PRKAA2: variants seen among roughly 807,000 people sequenced by gnomAD.
PRKAA2 encodes 5'-AMP-activated protein kinase catalytic subunit alpha-2.
A neutral mutation model predicts 56.3 loss-of-function variants in PRKAA2; 40 were observed. The observed-to-expected ratio is 0.71, with a 90% CI of 0.55 to 0.92. PRKAA2 has a LOEUF of 0.92. Among genes scored for constraint, PRKAA2 ranks in the 40% least tolerant of loss-of-function variants. PRKAA2 has a pLI of 0.00. For synonymous variants in PRKAA2, 214 were observed against 234.2 expected, an observed-to-expected ratio of 0.91 and a Z score of 0.79; for missense variants, 542 against 686.9, an observed-to-expected ratio of 0.79 and a Z score of 2.36.
chr1:56,681,551 G>A (rs764611785), intron 2 of PRKAA2, among the ~76,000 whole-genome samples: 20 of 152,092 alleles, frequency 1.3e-4, no homozygotes, highest in Non-Finnish European at 2.6e-4. Flanking sequence ...TAAGGAAGGG[G>A]TCCAGTTTCA....
chr1:56,670,906 T>C (rs565202980), intron 1 of PRKAA2, among the ~76,000 whole-genome samples: 2 of 152,288 alleles, frequency 1.3e-5, no homozygotes, highest in African/African-American at 4.8e-5. Flanking sequence ...ACAAGATTTA[T>C]TTCAGTTTAT....
intron 1 of PRKAA2, among the ~76,000 whole-genome samples, chr1:56,654,412 A>C (rs1643925465): frequency 2.0e-5 from 3 of 152,164 alleles, no homozygotes; most frequent in Middle Eastern, 3.2e-3. Flanking sequence ...AGGAAGTATT[A>C]ATAATTTTTG....
At chr1:56,706,045 AG>A (rs1239015940) in intron 7 of PRKAA2, 46 bp from the exon 8 acceptor site, 3 of 1,510,618 alleles carry the variant, frequency 2.0e-6, no homozygotes, top group Admixed American at 1.9e-5. Flanking sequence ...TTGCATAAAA[AG>A]GTAGATATTT....
intron 1 of PRKAA2, among the ~76,000 whole-genome samples, chr1:56,666,847 T>G (rs1404426334): frequency 1.3e-5 from 2 of 152,204 alleles, no homozygotes; most frequent in African/African-American, 4.8e-5. Flanking sequence ...CTTACTCCAA[T>G]TTTCCAATTA....
Position 56,707,827 on chromosome 1 carries a change from T to A in PRKAA2, c.*114T>A, listed in dbSNP as rs1569803672. 1 of 977,570 alleles carries A rather than the reference T, an allele frequency of 1.0e-6. No homozygotes were observed. The highest frequency in any genetic ancestry group is 2.4e-5 in the East Asian group (1 of 41,102). The allele number at this position is 977,570 out of a possible 1,614,324, so 60.6% of individuals were successfully genotyped here. On this transcript the variant is annotated 3_prime_UTR_variant, in exon 9 of 9. Transcript: ENST00000371244. ...AATACTAATTGAGAAACATGAATTA[T>A]TTCCAGGGGCACACAATGCTATTGA...
At chr1:56,680,529 C>T (rs1644146066) in intron 2 of PRKAA2, among the ~76,000 whole-genome samples, 2 of 152,130 alleles carry the variant, frequency 1.3e-5, no homozygotes, top group South Asian at 4.2e-4. Context: ...CCATGACAGG[C>T]CCTGGTGTGT....
intron 2 of PRKAA2, among the ~76,000 whole-genome samples, chr1:56,689,784 A>G (rs972622378): frequency 3.3e-5 from 5 of 152,118 alleles, no homozygotes; most frequent in Non-Finnish European, 7.4e-5. Flanking sequence ...AATTGTGTAT[A>G]GGGGTGTAAG....
In PRKAA2 at chr1:56,650,399, C is replaced by T. The variant is rs373647292; in HGVS notation, c.94+4918C>T. Among the ~76,000 whole-genome samples the T allele has an allele frequency of 7.2e-5, 11 of 152,064 alleles. No homozygotes were observed. The East Asian group carries it at 1.2e-3, about 16-fold the overall frequency. On this transcript the variant is annotated intron_variant, in intron 1 of 8. Transcript: ENST00000371244. Reference sequence around the variant, plus strand: ...CTTTTTATCTATTTAAAATTTTTCTCTATATTGACTGTTTAGGCTCTCACT... The same window carrying T: ...CTTTTTATCTATTTAAAATTTTTCTTTATATTGACTGTTTAGGCTCTCACT...
At position 56,715,243 on chromosome 1, in the gene PRKAA2, TAACA is replaced by T. The variant is rs925912423; in HGVS notation, c.*7535_*7538del. The T allele has an allele frequency of 3.9e-5, 6 of 152,212 alleles. No homozygotes were observed. The highest frequency in any genetic ancestry group is 1.4e-4 in the African/African-American group (6 of 41,474). The allele number at this position is 152,212 out of a possible 1,614,324, so 9.4% of individuals were successfully genotyped here. On this transcript the variant is annotated 3_prime_UTR_variant, in exon 9 of 9. Transcript: ENST00000371244. ...GTTTGCACCATATGAAACTCATAGGTAACAAACACAAAGGAGAAAAGCAGCCTGT... is the reference window on the plus strand; with the variant it reads ...GTTTGCACCATATGAAACTCATAGGTAACACAAAGGAGAAAAGCAGCCTGT...
rs1007185932 is a variant in PRKAA2 at position 56,714,816 on chromosome 1, A to T, written c.*7103A>T. On this transcript the variant is annotated 3_prime_UTR_variant, in exon 9 of 9. Coordinates refer to ENST00000371244, the MANE Select transcript of PRKAA2 (RefSeq NM_006252.4). ...GCAACAAATAAAACTGAAAACAGCC[A>T]TTTGGTTGTGTCATGACAATCATAA... is the stretch of plus-strand genomic sequence containing the variant. The T allele has an allele frequency of 1.3e-5, 2 of 152,116 alleles. No homozygotes were observed. The highest frequency in any genetic ancestry group is 4.8e-5 in the African/African-American group (2 of 41,424). The allele number at this position is 152,116 out of a possible 1,614,324, so 9.4% of individuals were successfully genotyped here. A position where few individuals can be genotyped will look rare whatever the true frequency, so the allele number is the denominator to read the frequency against.
At chr1:56,647,214 G>A (rs1646650362) in intron 1 of PRKAA2, among the ~76,000 whole-genome samples, 1 of 152,162 alleles carries the variant, frequency 6.6e-6, no homozygotes, top group African/African-American at 2.4e-5. Context: ...TCCAGGGATT[G>A]GATTAATGCC....
intron 1 of PRKAA2, among the ~76,000 whole-genome samples, chr1:56,670,673 A>G (rs1239338713): frequency 6.6e-6 from 1 of 152,232 alleles, no homozygotes. Flanking sequence ...GTGTAATGTA[A>G]TTAGTATAGC....
At chr1:56,690,575 A>T (rs1440569981) in intron 2 of PRKAA2, among the ~76,000 whole-genome samples, 1 of 152,242 alleles carries the variant, frequency 6.6e-6, no homozygotes, top group Admixed American at 6.5e-5. Flanking sequence ...TATTTGAATC[A>T]GAATCAAAAT....
chr1:56,697,170 CA>C (rs780647894), intron 6 of PRKAA2, among the ~76,000 whole-genome samples: 5 of 151,644 alleles, frequency 3.3e-5, no homozygotes, highest in Non-Finnish European at 7.4e-5. Flanking sequence ...CAAGCCACCA[CA>C]CCCAGCTAAT....
rs1353386070 is a variant in PRKAA2 at position 56,704,318 on chromosome 1, A to G, written c.1136A>G (p.Lys379Arg). ...CCACCTCTTATAGCAGACAGCCCCAAAGCAAGATGTCCATTGGATGCACTG... is the reference window on the plus strand; with the variant it reads ...CCACCTCTTATAGCAGACAGCCCCAGAGCAAGATGTCCATTGGATGCACTG... ...RMPPLIADSP[K>R]ARCPLDALNT... is the part of the protein sequence containing the mutation. Residue 379 changes from lysine to arginine, a missense_variant, in exon 7 of 9, where the codon AAA (lysine) becomes AGA (arginine). Coordinates refer to ENST00000371244, the MANE Select transcript of PRKAA2 (RefSeq NM_006252.4). 1 of 1,614,012 alleles carries G rather than the reference A, an allele frequency of 6.2e-7. No homozygotes were observed. Among genetic ancestry groups the G allele is most frequent in the Non-Finnish European group, 8.5e-7 (1 of 1,180,022 alleles).
chr1:56,687,318 T>C (rs894267135), intron 2 of PRKAA2, among the ~76,000 whole-genome samples: 2 of 152,196 alleles, frequency 1.3e-5, no homozygotes, highest in Non-Finnish European at 2.9e-5. Flanking sequence ...TAGAGCGTGA[T>C]ACCTGGTTTT....
chr1:56,681,352 T>G (rs1644154041), intron 2 of PRKAA2, among the ~76,000 whole-genome samples: 1 of 152,194 alleles, frequency 6.6e-6, no homozygotes, highest in East Asian at 1.9e-4. Flanking sequence ...CAGAAGCTCT[T>G]TAGTTTAATT....
chr1:56,685,745 C>T (rs1223060908), intron 2 of PRKAA2, among the ~76,000 whole-genome samples: 1 of 152,028 alleles, frequency 6.6e-6, no homozygotes, highest in African/African-American at 2.4e-5. Context: ...ACTGTGGAAT[C>T]CTCTTTAACA....
Position 56,691,412 on chromosome 1 carries a change from T to TC in PRKAA2, c.257dup (p.Thr87AsnfsTer14), listed in dbSNP as rs1171752961. On this transcript the variant is annotated frameshift_variant, in exon 3 of 9. Transcript: ENST00000371244. LOFTEE classifies it high-confidence loss of function. Reference sequence around the variant, plus strand: ...AAAAAAGATACCAGGTGATCAGCACTCCAACAGATTTTTTTATGGTAATGG... The same window carrying TC: ...AAAAAAGATACCAGGTGATCAGCACTCCCAACAGATTTTTTTATGGTAATGG... 1 of 1,612,338 alleles carries TC rather than the reference T, an allele frequency of 6.2e-7. No homozygotes were observed. The highest frequency in any genetic ancestry group is 1.1e-5 in the South Asian group (1 of 90,874).
Sources: allele counts gnomAD v4.1 joint callset (sites outside exome capture counted in the v4.1 genomes callset), GRCh38; gene constraint gnomAD v4.1.1; transcripts MANE v1.5; gene names NCBI Gene and HGNC (gene_info 2026-07-23, HGNC 2026-07-21).